RAB6B: variants seen among roughly 807,000 people sequenced by gnomAD.
RAB6B encodes RAB6B, member RAS oncogene family.
Under a neutral mutation model 31.2 loss-of-function variants are expected in RAB6B, and 7 were observed. That is an observed-to-expected ratio of 0.22 (90% CI 0.13 to 0.42). The LOEUF is 0.42. RAB6B is among the 10% of genes least tolerant of loss of function. The pLI, the probability that RAB6B is intolerant of heterozygous loss-of-function variation, is 1.00. For synonymous variants in RAB6B, 105 were observed against 104.9 expected (o/e 1.00, Z -0.01); for missense variants, 149 against 280.6 (o/e 0.53, Z 3.35).
rs912708302 is a variant in RAB6B at position 133,825,187 on chromosome 3, C to T, written c.*3601G>A. ...TGGTCCCATCTCATCCTGACATCCT[C>T]ACCTGCCTTCCATCTTGTGAAGGAA... On this transcript the variant is annotated 3_prime_UTR_variant, in exon 8 of 8. Transcript: ENST00000285208. 6.6e-6 allele frequency: 1 copy of T among 152,248 alleles called. No individual in the cohort carries two copies. Among genetic ancestry groups the T allele is most frequent in the African/African-American group, 2.4e-5 (1 of 41,458 alleles). 9.4% of individuals were successfully genotyped at this position (152,248 alleles called of 1,614,324 possible).
chr3:133,848,455 G>T (rs1935935228), intron 2 of RAB6B, among the ~76,000 whole-genome samples: 1 of 152,218 alleles, frequency 6.6e-6, no homozygotes, highest in Non-Finnish European at 1.5e-5. Context: ...GTAGCAGGCA[G>T]GATGTCTTAG....
intron 1 of RAB6B, among the ~76,000 whole-genome samples, chr3:133,888,080 C>T (rs1392799394): frequency 2.1e-4 from 32 of 152,198 alleles, no homozygotes; most frequent in African/African-American, 9.7e-5. Context: ...CAGCAGACCT[C>T]GTGTCCAGAA....
intron 2 of RAB6B, among the ~76,000 whole-genome samples, chr3:133,847,543 G>T (rs1935922654): frequency 6.6e-6 from 1 of 152,124 alleles, no homozygotes; most frequent in South Asian, 2.1e-4. Flanking sequence ...TCTTTTGAGT[G>T]GAAAAATCCC....
At chr3:133,855,295 G>A (rs991365109) in intron 2 of RAB6B, among the ~76,000 whole-genome samples, 6 of 152,264 alleles carry the variant, frequency 3.9e-5, no homozygotes, top group Admixed American at 1.3e-4. Context: ...ATGCGCCCTG[G>A]GGGAGGGGAT....
chr3:133,829,545 A>C (rs1935625760), intron 7 of RAB6B, among the ~76,000 whole-genome samples: 1 of 152,140 alleles, frequency 6.6e-6, no homozygotes, highest in Non-Finnish European at 1.5e-5. Flanking sequence ...CTTGCATCAA[A>C]CCAGACCTAA....
At chr3:133,875,997 C>T (rs1394712568) in intron 1 of RAB6B, among the ~76,000 whole-genome samples, 7 of 152,126 alleles carry the variant, frequency 4.6e-5, no homozygotes, top group Admixed American at 2.0e-4. Context: ...GATTTGAAAA[C>T]GTAATTATTT....
intron 2 of RAB6B, among the ~76,000 whole-genome samples, chr3:133,844,395 A>G (rs186660447): frequency 6.6e-6 from 1 of 152,322 alleles, no homozygotes; most frequent in Admixed American, 6.5e-5. Context: ...GACCTGTTCT[A>G]GCCACACTCT....
At chr3:133,877,601 T>G (rs375905044) in intron 1 of RAB6B, among the ~76,000 whole-genome samples, 12 of 152,060 alleles carry the variant, frequency 7.9e-5, no homozygotes, top group African/African-American at 2.2e-4. Context: ...ATGTCTGGTA[T>G]CCAATAAAAA....
chr3:133,862,747 T>TG (rs1437714454), intron 2 of RAB6B, among the ~76,000 whole-genome samples: 2 of 152,064 alleles, frequency 1.3e-5, no homozygotes, highest in African/African-American at 4.8e-5. Flanking sequence ...TTGAATGACA[T>TG]GGGGAGGAGA....
intron 1 of RAB6B, among the ~76,000 whole-genome samples, chr3:133,870,817 AT>A (rs35886030): frequency 0.7 from 107,071 of 152,110 alleles, 38,424 homozygotes; most frequent in African/African-American, 0.83. Context: ...TGAAACAGTT[AT>A]TTTTCTTACC....
At chr3:133,834,700 A>G in intron 6 of RAB6B, 59 bp from the exon 7 acceptor site, 1 of 1,480,456 alleles carries the variant, frequency 6.8e-7, no homozygotes, top group Non-Finnish European at 9.4e-7. Context: ...TCTGCTCCTC[A>G]CTGCACCTGC....
At chr3:133,855,456 T>C (rs1434554215) in intron 2 of RAB6B, among the ~76,000 whole-genome samples, 1 of 152,238 alleles carries the variant, frequency 6.6e-6, no homozygotes, top group Non-Finnish European at 1.5e-5. Context: ...TGCTCTTTTA[T>C]TTCCTGACTG....
chr3:133,889,391 TATATATA>T (rs1936599311), intron 1 of RAB6B, among the ~76,000 whole-genome samples: 452 of 34,000 alleles, frequency 0.013, 39 homozygotes, highest in Admixed American at 0.051. Context: ...TATTTTGTTA[TATATATA>T]TATATATATA....
At chr3:133,832,583 T>C (rs1935670684) in intron 7 of RAB6B, among the ~76,000 whole-genome samples, 1 of 152,188 alleles carries the variant, frequency 6.6e-6, no homozygotes, top group Non-Finnish European at 1.5e-5. Context: ...GGATTTGGAC[T>C]GTGAGTAAGC....
intron 2 of RAB6B, among the ~76,000 whole-genome samples, chr3:133,851,633 A>G (rs1935985668): frequency 2.0e-5 from 3 of 152,198 alleles, no homozygotes; most frequent in Non-Finnish European, 4.4e-5. Context: ...TGAAAGATGT[A>G]GAGAGGCTGG....
intron 1 of RAB6B, among the ~76,000 whole-genome samples, chr3:133,880,622 C>A (rs987736518): frequency 5.1e-4 from 78 of 152,266 alleles, no homozygotes; most frequent in African/African-American, 1.7e-3. Flanking sequence ...TCCATCAACA[C>A]AGGAAGCTGT....
chr3:133,875,271 C>CGTGT (rs66495634), intron 1 of RAB6B, among the ~76,000 whole-genome samples: 99 of 151,394 alleles, frequency 6.5e-4, no homozygotes, highest in African/African-American at 1.9e-3. Context: ...CACAGTTACA[C>CGTGT]GTGTGTGTGT....
intron 1 of RAB6B, among the ~76,000 whole-genome samples, chr3:133,880,312 G>T (rs1249929358): frequency 1.3e-5 from 2 of 152,224 alleles, no homozygotes; most frequent in Non-Finnish European, 2.9e-5. Context: ...GGAAAAGAAG[G>T]CTGAGGCAGG....
At chr3:133,843,205 C>G (rs913058592) in intron 2 of RAB6B, among the ~76,000 whole-genome samples, 1 of 151,966 alleles carries the variant, frequency 6.6e-6, no homozygotes, top group Non-Finnish European at 1.5e-5. Flanking sequence ...TAGATACAAT[C>G]CAATCAATCC....
Sources: allele counts gnomAD v4.1 joint callset (sites outside exome capture counted in the v4.1 genomes callset), GRCh38; gene constraint gnomAD v4.1.1; transcripts MANE v1.5; gene names NCBI Gene and HGNC (gene_info 2026-07-23, HGNC 2026-07-21).